The following AGAP1 variants were observed in gnomAD, a reference collection of about 807,000 sequenced individuals.
AGAP1 encodes the protein arf-GAP with GTPase, ANK repeat and PH domain-containing protein 1.
Under a neutral mutation model 105.3 loss-of-function variants are expected in AGAP1, and 29 were observed. The observed-to-expected ratio is 0.28, with a 90% CI of 0.21 to 0.38. AGAP1 has a LOEUF of 0.38. Among genes scored for constraint, AGAP1 ranks in the 10% least tolerant of loss-of-function variants. The pLI is 1.00. For missense variants in AGAP1, 998 were observed against 1,165.1 expected (o/e 0.86, Z 2.09); for synonymous variants, 509 against 485.9 (o/e 1.05, Z -0.63).
At position 236,124,032 on chromosome 2, in the gene AGAP1, C is replaced by T. The variant is rs768607781; in HGVS notation, c.2484C>T (p.Asp828=). The change falls in exon 18 of 18, where the codon GAC becomes GAT. Residue 828 remains aspartate, a synonymous_variant. Coordinates refer to ENST00000304032, the MANE Select transcript of AGAP1 (RefSeq NM_001037131.3). This position sits in a 1 kb window ranked among gnomAD's most constrained non-coding sequence, Gnocchi z 5.1. The part of the protein sequence containing the change: ...IDVLLQYGCP[D]ERFVLMATPN... ...TGCTGCTGCAGTACGGCTGCCCCGA[C>T]GAGCGCTTCGTGCTCATGGCCACCC... 14 of 1,614,066 alleles carry T rather than the reference C, an allele frequency of 8.7e-6. No individual in the cohort carries two copies. The highest frequency in any genetic ancestry group is 4.5e-5 in the East Asian group (2 of 44,866).
chr2:235,952,299 A>G (rs2053771448), intron 12 of AGAP1, among the ~76,000 whole-genome samples: 1 of 152,212 alleles, frequency 6.6e-6, no homozygotes, highest in Non-Finnish European at 1.5e-5. Context: ...CTAAAACAGC[A>G]GGAGAGAAAA....
Position 235,750,246 on chromosome 2 carries a change from T to G in AGAP1, c.539-108T>G. On this transcript the variant is annotated intron_variant, in intron 5 of 17. Coordinates refer to ENST00000304032, the MANE Select transcript of AGAP1 (RefSeq NM_001037131.3). The surrounding 1 kb of genome is among the most constrained non-coding windows in gnomAD (Gnocchi z 5.3). The stretch of plus-strand genomic sequence containing the variant: ...CTACAATTCCAGATTCATAAACTAA[T>G]TACATTTCTGCTGAGTAAGGTACTG... 1.4e-6 allele frequency: 2 copies of G among 1,475,578 alleles called. No homozygotes were observed. Among genetic ancestry groups the G allele is most frequent in the Non-Finnish European group, 1.9e-6 (2 of 1,072,564 alleles). The allele number at this position is 1,475,578 out of a possible 1,614,324, so 91.4% of individuals were successfully genotyped here. A position where few individuals can be genotyped will look rare whatever the true frequency, so the allele number is the denominator to read the frequency against.
At position 235,494,632 on chromosome 2, in the gene AGAP1, GGGCGCGGGGCGGCGGCGGCGGGGGGCGC is replaced by G; in HGVS notation, c.-53_-26del. On this transcript the variant is annotated 5_prime_UTR_variant, in exon 1 of 18. Transcript: ENST00000304032. The stretch of plus-strand genomic sequence containing the variant: ...CGGGCTCGGCGGCCCGCGGGCCCCG[GGGCGCGGGGCGGCGGCGGCGGGGGGCGC>G]GCGGCTCCGGGCGCGGCGCCTGCAC... 1 of 960,378 alleles carries G rather than the reference GGGCGCGGGGCGGCGGCGGCGGGGGGCGC, an allele frequency of 1.0e-6. No individual in the cohort carries two copies. The highest frequency in any genetic ancestry group is 1.2e-4 in the East Asian group (1 of 8,200). The allele number at this position is 960,378 out of a possible 1,614,324, so 59.5% of individuals were successfully genotyped here.
intron 13 of AGAP1, 148 bp downstream of exon 13, chr2:235,968,771 G>A (rs953957700): frequency 1.1e-5 from 9 of 790,684 alleles, no homozygotes; most frequent in African/African-American, 7.3e-5. Context: ...AAGGTGGCAC[G>A]AGAGGGCCCT....
chr2:235,935,799 G>A (rs186973877), intron 12 of AGAP1, among the ~76,000 whole-genome samples: 265 of 152,264 alleles, frequency 1.7e-3, no homozygotes, highest in Admixed American at 2.9e-3. Flanking sequence ...CTCTAGAAGC[G>A]TTAGCCACGA....
chr2:235,494,925 T>C (rs913460198), intron 1 of AGAP1, 76 bp downstream of exon 1: 13 of 1,405,286 alleles, frequency 9.3e-6, no homozygotes, highest in Non-Finnish European at 1.2e-5. Context: ...GCTGTGTGCG[T>C]GCGGGTGTCC....
rs1961000296 is a variant in AGAP1, at chr2:235,842,679, A to G, written c.1050+35348A>G. On this transcript the variant is annotated intron_variant, in intron 9 of 17. Coordinates refer to ENST00000304032, the MANE Select transcript of AGAP1 (RefSeq NM_001037131.3). The surrounding 1 kb of genome is among the most constrained non-coding windows in gnomAD (Gnocchi z 5.3). ...GTGGATTTGAGTTTCTTACCCTATG[A>G]ATTCTATAAACTGAAGTTTTCATCC... 6.6e-6 allele frequency among the ~76,000 whole-genome samples: 1 copy of G among 152,120 alleles called. No homozygotes were observed. Among genetic ancestry groups the G allele is most frequent in the Non-Finnish European group, 1.5e-5 (1 of 68,024 alleles).
chr2:236,025,490 G>T (rs1665751089), intron 13 of AGAP1, among the ~76,000 whole-genome samples: 1 of 152,194 alleles, frequency 6.6e-6, no homozygotes, highest in Non-Finnish European at 1.5e-5. Context: ...GGAGGAGCAT[G>T]TTCCTGTTCT....
rs146100335 is a variant in AGAP1, at chr2:235,842,081, G to A, written c.1050+34750G>A. On this transcript the variant is annotated intron_variant, in intron 9 of 17. Transcript: ENST00000304032. The surrounding 1 kb of genome is among the most constrained non-coding windows in gnomAD (Gnocchi z 5.3). ...TCGCTCATGTGGAGGAGGGCCTCTC[G>A]TTGGAAGCCCAGGCTCACTCCATGG... is the stretch of plus-strand genomic sequence containing the variant. 5.0e-4 allele frequency among the ~76,000 whole-genome samples: 76 copies of A among 152,238 alleles called. No individual in the cohort carries two copies. The highest frequency in any genetic ancestry group is 1.5e-3 in the East Asian group (8 of 5,178).
chr2:235,997,942 G>C (rs116081396), intron 13 of AGAP1, among the ~76,000 whole-genome samples: 2,102 of 152,176 alleles, frequency 0.014, 55 homozygotes, highest in African/African-American at 0.048. Flanking sequence ...CACATGAAGG[G>C]CCCACAGTTT....
At chr2:235,949,417 G>A (rs1289253333) in intron 12 of AGAP1, among the ~76,000 whole-genome samples, 2 of 152,052 alleles carry the variant, frequency 1.3e-5, no homozygotes, top group Admixed American at 1.3e-4. Flanking sequence ...GTGGCCAGGG[G>A]GTGCTCTTCC....
intron 1 of AGAP1, among the ~76,000 whole-genome samples, chr2:235,562,589 A>C (rs1054970931): frequency 2.0e-5 from 3 of 152,042 alleles, no homozygotes; most frequent in African/African-American, 7.2e-5. Context: ...ACTCAGGACT[A>C]TCTCTGAGTC....
intron 9 of AGAP1, among the ~76,000 whole-genome samples, chr2:235,821,520 A>G (rs959532599): frequency 6.6e-6 from 1 of 150,916 alleles, no homozygotes; most frequent in African/African-American, 2.5e-5. Context: ...AGTAGCCGGG[A>G]CTACAGGGAA....
rs530957009 is a variant in AGAP1 at position 236,003,959 on chromosome 2, G to A, written c.1646-32602G>A. Among the ~76,000 whole-genome samples the A allele has an allele frequency of 5.9e-5, 9 of 152,234 alleles. No homozygotes were observed. The highest frequency in any genetic ancestry group is 3.4e-3 in the Middle Eastern group (1 of 294). On this transcript the variant is annotated intron_variant, in intron 13 of 17. Coordinates refer to ENST00000304032, the MANE Select transcript of AGAP1 (RefSeq NM_001037131.3). This position sits in a 1 kb window ranked among gnomAD's most constrained non-coding sequence, Gnocchi z 4.2. ...GACTCCATGGCTCTGTGGAATGGGC[G>A]GTTTAGTATTCCTTTTTCTGGCAAC...
intron 16 of AGAP1, among the ~76,000 whole-genome samples, chr2:236,103,821 C>A (rs989748676): frequency 1.3e-5 from 2 of 152,142 alleles, no homozygotes; most frequent in African/African-American, 4.8e-5. Context: ...CCAACCTCGG[C>A]CTCCCAAAGT....
chr2:235,816,437 C>CAAAAA (rs79795818), intron 9 of AGAP1, among the ~76,000 whole-genome samples: 2 of 97,926 alleles, frequency 2.0e-5, no homozygotes, highest in Non-Finnish European at 4.2e-5. Context: ...GACTCCGTCT[C>CAAAAA]AAAAAAAAAA....
At chr2:235,766,810 C>T (rs1194348920) in intron 6 of AGAP1, among the ~76,000 whole-genome samples, 1 of 151,782 alleles carries the variant, frequency 6.6e-6, no homozygotes, top group Non-Finnish European at 1.5e-5. Context: ...GGTAAGATCT[C>T]GGCTCACTGC....
At chr2:235,645,489 C>T (rs1280726568) in intron 1 of AGAP1, among the ~76,000 whole-genome samples, 2 of 152,162 alleles carry the variant, frequency 1.3e-5, no homozygotes, top group Non-Finnish European at 2.9e-5. Context: ...TGCCCTTTCA[C>T]ATTAGGTTGG....
intron 1 of AGAP1, among the ~76,000 whole-genome samples, chr2:235,657,001 T>C (rs1170177103): frequency 6.6e-6 from 1 of 152,180 alleles, no homozygotes; most frequent in Non-Finnish European, 1.5e-5. Context: ...CAATTAATAT[T>C]CCATTGAAAA....
Sources: allele counts gnomAD v4.1 joint callset (sites outside exome capture counted in the v4.1 genomes callset), GRCh38; gene constraint gnomAD v4.1.1; non-coding constraint Gnocchi (gnomAD v3.1); transcripts MANE v1.5; gene names NCBI Gene and HGNC (gene_info 2026-07-23, HGNC 2026-07-21).